The following OSBPL5 variants were observed in gnomAD, a reference collection of about 807,000 sequenced individuals.
The protein encoded by OSBPL5 is oxysterol-binding protein-related protein 5.
In OSBPL5, 71 loss-of-function variants were observed where a neutral mutation model predicts 111.2. The ratio of observed to expected loss-of-function variants is 0.64; its 90% CI spans 0.53 to 0.78. The LOEUF (loss-of-function observed/expected upper bound fraction) is 0.78, where lower values mean the gene tolerates loss of function less well. OSBPL5 is among the 30% of genes least tolerant of loss of function. OSBPL5 has a pLI of 0.00. For synonymous variants in OSBPL5, 549 were observed against 513.9 expected, an observed-to-expected ratio of 1.07 and a Z score of -0.93; for missense variants, 1,210 against 1,189.3, an observed-to-expected ratio of 1.02 and a Z score of -0.26.
In OSBPL5 at chr11:3,149,802, C is replaced by T. The variant is rs373126495; in HGVS notation, c.-22+15414G>A. 1.3e-3 allele frequency among the ~76,000 whole-genome samples: 205 copies of T among 152,330 alleles called. 6 individuals are homozygous for T. The South Asian group carries it at 0.039, about 29-fold the overall frequency. On this transcript the variant is annotated intron_variant, in intron 1 of 21. Coordinates refer to ENST00000263650, the MANE Select transcript of OSBPL5 (RefSeq NM_020896.4). ...CCGCCCTGGCAGGCACCACGTAGCC[C>T]GGGGCACAAGGGCCAGCTGTGGCTG...
In OSBPL5 at chr11:3,100,171, G is replaced by A. The variant is rs376599881; in HGVS notation, c.1608C>T (p.Tyr536=). 79 of 1,614,034 alleles carry A rather than the reference G, an allele frequency of 4.9e-5. No individual in the cohort carries two copies. Among genetic ancestry groups the A allele is most frequent in the African/African-American group, 1.2e-4 (9 of 74,932 alleles). Reference sequence around the variant, plus strand: ...TGAGCCTCTCACCTTTGCAGTGGGCGTAGGGCATGGTAAGGGTGTAATCCT... The same window carrying A: ...TGAGCCTCTCACCTTTGCAGTGGGCATAGGGCATGGTAAGGGTGTAATCCT... ...RAEDYTLTMP[Y]AHCKGILYGT... Residue 536 remains tyrosine (Y), a synonymous_variant, in exon 14 of 22, where the codon TAC becomes TAT. Transcript: ENST00000263650.
chr11:3,128,374 A>G (rs1858708489), intron 2 of OSBPL5, among the ~76,000 whole-genome samples: 1 of 152,140 alleles, frequency 6.6e-6, no homozygotes, highest in Non-Finnish European at 1.5e-5. Context: ...GGAACAGGGG[A>G]GGAAGGGCTG....
chr11:3,099,792 GGC>G (rs967720258), intron 14 of OSBPL5, among the ~76,000 whole-genome samples: 64 of 152,184 alleles, frequency 4.2e-4, no homozygotes, highest in African/African-American at 1.5e-3. Context: ...GGCGAGGCTG[GGC>G]GCGGTGGCTC....
At chr11:3,111,470 G>T (rs11025423) in intron 7 of OSBPL5, among the ~76,000 whole-genome samples, 30,686 of 152,050 alleles carry the variant, frequency 0.2, 3,239 homozygotes, top group South Asian at 0.29. Flanking sequence ...CAACCAGCTG[G>T]TCTTAATTTC....
At chr11:3,152,947 C>T (rs4758540) in intron 1 of OSBPL5, among the ~76,000 whole-genome samples, 87,857 of 151,846 alleles carry the variant, frequency 0.58, 25,875 homozygotes, top group African/African-American at 0.61. Flanking sequence ...ACTTTTCTAA[C>T]AATCTTACTC....
chr11:3,131,573 A>C (rs1215056997), intron 1 of OSBPL5, among the ~76,000 whole-genome samples: 4 of 136,714 alleles, frequency 2.9e-5, no homozygotes, highest in Non-Finnish European at 1.5e-5. Context: ...TCATCCATCC[A>C]TCCATCCATC....
Position 3,088,337 on chromosome 11 carries a change from G to C in OSBPL5, c.2508C>G (p.Leu836=), listed in dbSNP as rs1355983581. 6.4e-7 allele frequency: 1 copy of C among 1,570,270 alleles called. No homozygotes were observed. The highest frequency in any genetic ancestry group is 1.9e-5 in the Admixed American group (1 of 53,986). The change falls in exon 22 of 22, where the codon CTC becomes CTG. Residue 836 remains leucine, a synonymous_variant. Transcript: ENST00000263650. ...REAQQELHRH[L]SAMLSSTARA... is the part of the protein sequence containing the mutation. The stretch of plus-strand genomic sequence containing the variant: ...GTGCCGTGGAGCTCAGCATGGCCGA[G>C]AGGTGCCTGCAAGGACAGGCGACAG...
chr11:3,124,811 AATGGATGGATGGATGG>A, intron 3 of OSBPL5, among the ~76,000 whole-genome samples: 1 of 150,782 alleles, frequency 6.6e-6, no homozygotes, highest in Admixed American at 6.6e-5. Flanking sequence ...TGAATGGATG[AATGGATGGATGGATGG>A]ATGGATGGAT....
At chr11:3,090,027 G>T in intron 20 of OSBPL5, 79 bp from the exon 21 acceptor site, 1 of 1,096,438 alleles carries the variant, frequency 9.1e-7, no homozygotes. Flanking sequence ...GCTGGCACGT[G>T]GGTCACAGGG....
chr11:3,094,605 CGTCTCCCCCACTAAG>C lies in OSBPL5; in HGVS notation c.1622-286_1622-272del, dbSNP rs1178781282. The C allele has an allele frequency of 6.6e-6, 3 of 456,104 alleles. No homozygotes were observed. The East Asian group carries it at 1.1e-4, about 17-fold the overall frequency. The allele number at this position is 456,104 out of a possible 1,614,324, so 28.3% of individuals were successfully genotyped here. On this transcript the variant is annotated intron_variant, in intron 14 of 21. Transcript: ENST00000263650. ...GAGGCACGCCTGGTCCCTCAGGGGC[CGTCTCCCCCACTAAG>C]GGGGCTCTGTCCTCGCCAGGGCCTT...
rs1261669829 is a variant in OSBPL5 at position 3,142,536 on chromosome 11, T to C, written c.-21-13367A>G. ...CTTAGCTCCCCTCCCTTTTTACAGA[T>C]GAGGAAACTGAGAATGAAACAGGAA... On this transcript the variant is annotated intron_variant, in intron 1 of 21. Transcript: ENST00000263650. The surrounding 1 kb of genome is among the most constrained non-coding windows in gnomAD (Gnocchi z 7.1). 6.6e-6 allele frequency among the ~76,000 whole-genome samples: 1 copy of C among 152,148 alleles called. No homozygotes were observed. Among genetic ancestry groups the C allele is most frequent in the African/African-American group, 2.4e-5 (1 of 41,428 alleles).
chr11:3,090,831 G>A, intron 19 of OSBPL5, 135 bp from the exon 20 acceptor site: 6 of 1,188,378 alleles, frequency 5.0e-6, no homozygotes, highest in Non-Finnish European at 6.9e-6. Flanking sequence ...CTGGGCTGTG[G>A]AGCTGGCTGG....
intron 3 of OSBPL5, among the ~76,000 whole-genome samples, chr11:3,123,608 C>G (rs1268865138): frequency 1.3e-5 from 2 of 152,230 alleles, no homozygotes; most frequent in Admixed American, 1.3e-4. Flanking sequence ...TCTGCGGGTG[C>G]TCAGCACTTT....
intron 10 of OSBPL5, among the ~76,000 whole-genome samples, chr11:3,103,768 CCTTCCAGCCTCTGCAGT>C (rs1857562830): frequency 1.2e-5 from 1 of 85,832 alleles, no homozygotes; most frequent in Non-Finnish European, 2.7e-5. Flanking sequence ...TCTGCAGCCC[CCTTCCAGCCTCTGCAGT>C]CCCTTCCTGC....
Position 3,120,425 on chromosome 11 carries a change from A to G in OSBPL5, c.602T>C (p.Val201Ala). The change falls in exon 6 of 22, where the codon GTG becomes GCG. Residue 201 changes from valine (V) to alanine (A), a missense_variant. Val to Ala is a moderately conservative substitution (Grantham distance 64). Transcript: ENST00000263650. ...AACCCCACCCCTCCGCAGCACCTTCACGGCCCAGACGGACTGATCCAGCGG... is the reference window on the plus strand; with the variant it reads ...AACCCCACCCCTCCGCAGCACCTTCGCGGCCCAGACGGACTGATCCAGCGG... ...FHPLDQSVWA[V>A]KGPKGESVGS... The G allele has an allele frequency of 6.2e-7, 1 of 1,612,508 alleles. No homozygotes were observed. Among genetic ancestry groups the G allele is most frequent in the Non-Finnish European group, 8.5e-7 (1 of 1,179,726 alleles).
chr11:3,098,032 C>T (rs184717490), intron 14 of OSBPL5, among the ~76,000 whole-genome samples: 372 of 152,232 alleles, frequency 2.4e-3, no homozygotes, highest in Admixed American at 4.2e-3. Context: ...CATGCCATTG[C>T]ACTCCAGCCC....
In OSBPL5 at chr11:3,107,531, C is replaced by T. The variant is rs552144266; in HGVS notation, c.867-76G>A. 5.6e-5 allele frequency: 85 copies of T among 1,515,716 alleles called. No homozygotes were observed. In the African/African-American group the frequency reaches 6.5e-4, roughly 12 times the overall value. 93.9% of individuals were successfully genotyped at this position (1,515,716 alleles called of 1,614,324 possible). A position where few individuals can be genotyped will look rare whatever the true frequency, so the allele number is the denominator to read the frequency against. ...ACAGCCCTCTGGGCTGCCCACCCCTCGCTGCTCCGCACTTCACATACGTTC... is the reference window on the plus strand; with the variant it reads ...ACAGCCCTCTGGGCTGCCCACCCCTTGCTGCTCCGCACTTCACATACGTTC... On this transcript the variant is annotated intron_variant, in intron 8 of 21. Transcript: ENST00000263650. The surrounding 1 kb of genome is among the most constrained non-coding windows in gnomAD (Gnocchi z 6.1).
intron 15 of OSBPL5, among the ~76,000 whole-genome samples, 167 bp from the exon 16 acceptor site, chr11:3,094,002 C>T (rs1857159872): frequency 6.6e-6 from 1 of 152,144 alleles, no homozygotes; most frequent in South Asian, 2.1e-4. Flanking sequence ...CGCCTCCGCT[C>T]AAGGATGTAG....
At chr11:3,112,707 A>G (rs1010430318) in intron 7 of OSBPL5, among the ~76,000 whole-genome samples, 1 of 152,200 alleles carries the variant, frequency 6.6e-6, no homozygotes, top group Non-Finnish European at 1.5e-5. Flanking sequence ...AATGATAGGT[A>G]GTCCCTACTA....
Sources: allele counts gnomAD v4.1 joint callset (sites outside exome capture counted in the v4.1 genomes callset), GRCh38; gene constraint gnomAD v4.1.1; non-coding constraint Gnocchi (gnomAD v3.1); transcripts MANE v1.5; gene names NCBI Gene and HGNC (gene_info 2026-07-23, HGNC 2026-07-21).